MYO5B: variants seen among roughly 807,000 people sequenced by gnomAD.
MYO5B encodes myosin VB.
Under a neutral mutation model 229.3 loss-of-function variants are expected in MYO5B, and 143 were observed. The ratio of observed to expected loss-of-function variants is 0.62; its 90% CI spans 0.54 to 0.72. MYO5B has a LOEUF of 0.72. MYO5B is among the 30% of genes least tolerant of loss of function. The pLI, the probability that MYO5B is intolerant of heterozygous loss-of-function variation, is 0.00. For synonymous variants in MYO5B, 918 were observed against 885.2 expected (o/e 1.04, Z -0.66); for missense variants, 2,321 against 2,331.0 (o/e 1.00, Z 0.09).
intron 1 of MYO5B, among the ~76,000 whole-genome samples, chr18:50,181,340 T>A (rs2144348317): frequency 9.0e-6 from 1 of 110,516 alleles, no homozygotes; most frequent in South Asian, 2.4e-4. Context: ...TCTACATTTA[T>A]TGATCACTGG....
chr18:49,849,599 T>C lies in MYO5B; in HGVS notation c.4283A>G (p.Lys1428Arg). Residue 1428 changes from lysine to arginine, a missense_variant, in exon 32 of 40, where the codon AAG (lysine) becomes AGG (arginine). By Grantham distance (26) the Lys-to-Arg change is conservative (BLOSUM62 2). Around this residue, in one of 2 missense-constraint regions of MYO5B, gnomAD observed 2,113 missense variants for 2,044.7 expected, o/e 1.03. Transcript: ENST00000285039. ...GTCCTGGGCTTTCTTCATGTAAATC[T>C]TCAGTTGCTTTTTGAGCTTCCTCTC... ...KNERKLKKQL[K>R]IYMKKAQDLE... The C allele has an allele frequency of 6.2e-7, 1 of 1,613,444 alleles. No individual in the cohort carries two copies. Among genetic ancestry groups the C allele is most frequent in the Non-Finnish European group, 8.5e-7 (1 of 1,179,874 alleles).
intron 1 of MYO5B, among the ~76,000 whole-genome samples, chr18:50,186,124 G>A (rs539892973): frequency 2.6e-5 from 4 of 152,286 alleles, no homozygotes; most frequent in Non-Finnish European, 4.4e-5. Flanking sequence ...AGGATATTTC[G>A]CATACATTTT....
intron 1 of MYO5B, among the ~76,000 whole-genome samples, chr18:50,062,026 C>G (rs867843741): frequency 6.6e-6 from 1 of 152,280 alleles, no homozygotes; most frequent in Middle Eastern, 3.4e-3. Flanking sequence ...TAGTCAAAAG[C>G]AGGCCTGGAG....
intron 21 of MYO5B, among the ~76,000 whole-genome samples, chr18:49,902,367 A>C (rs1246743643): frequency 6.6e-6 from 1 of 152,220 alleles, no homozygotes; most frequent in African/African-American, 2.4e-5. Flanking sequence ...TTGCATCTGC[A>C]AAGTCCCTTT....
chr18:49,950,339 A>C (rs1471759010), intron 14 of MYO5B, among the ~76,000 whole-genome samples: 1 of 152,222 alleles, frequency 6.6e-6, no homozygotes, highest in African/African-American at 2.4e-5. Context: ...GTTGCATTTC[A>C]AGAGTAGATC....
intron 1 of MYO5B, among the ~76,000 whole-genome samples, chr18:50,151,973 G>A (rs1218773144): frequency 2.0e-5 from 3 of 152,162 alleles, no homozygotes; most frequent in African/African-American, 7.2e-5. Flanking sequence ...GGGAACATCC[G>A]CCCCGTTCAG....
intron 4 of MYO5B, among the ~76,000 whole-genome samples, chr18:50,028,225 C>A (rs2026351685): frequency 2.0e-5 from 3 of 152,282 alleles, no homozygotes; most frequent in Non-Finnish European, 2.9e-5. Context: ...AAAAACAGTT[C>A]TTGAGTGTGC....
chr18:50,026,996 C>G (rs968966503), intron 4 of MYO5B, among the ~76,000 whole-genome samples: 4 of 152,156 alleles, frequency 2.6e-5, no homozygotes, highest in African/African-American at 9.7e-5. Context: ...CAGCATGTTC[C>G]TTTGCTGCAA....
chr18:49,878,314 C>G (rs2024549138), intron 24 of MYO5B, among the ~76,000 whole-genome samples: 1 of 151,988 alleles, frequency 6.6e-6, no homozygotes, highest in African/African-American at 2.4e-5. Flanking sequence ...ACCATTTATA[C>G]TGTTCATTTA....
intron 3 of MYO5B, among the ~76,000 whole-genome samples, chr18:50,038,621 A>C (rs2029908262): frequency 6.6e-6 from 1 of 152,134 alleles, no homozygotes; most frequent in Admixed American, 6.5e-5. Context: ...TGTTTTCCTT[A>C]AACATCCTGG....
chr18:50,037,010 G>T lies in MYO5B; in HGVS notation c.311-16C>A. 1 of 1,614,028 alleles carries T rather than the reference G, an allele frequency of 6.2e-7. No individual in the cohort carries two copies. ...AGTACGATACCTGCAAACAGACAAGGTGGTCAGATTCCGACAGCACAGAAG... is the reference window on the plus strand; with the variant it reads ...AGTACGATACCTGCAAACAGACAAGTTGGTCAGATTCCGACAGCACAGAAG... On this transcript the variant is annotated splice_polypyrimidine_tract_variant and intron_variant, in intron 3 of 39. Transcript: ENST00000285039.
chr18:50,151,520 G>A (rs2032597952), intron 1 of MYO5B, among the ~76,000 whole-genome samples: 1 of 152,172 alleles, frequency 6.6e-6, no homozygotes, highest in Non-Finnish European at 1.5e-5. Flanking sequence ...TCAGAAAAAT[G>A]TAGGTTTAAA....
chr18:49,904,583 C>G, intron 20 of MYO5B, 89 bp downstream of exon 20: 6 of 1,553,032 alleles, frequency 3.9e-6, no homozygotes, highest in Non-Finnish European at 5.3e-6. Flanking sequence ...GTTGGGAGTG[C>G]TTGACAGAGG....
At chr18:50,030,650 G>A (rs747058201) in intron 4 of MYO5B, among the ~76,000 whole-genome samples, 16 of 151,892 alleles carry the variant, frequency 1.1e-4, no homozygotes, top group Non-Finnish European at 4.4e-5. Flanking sequence ...CCCATCTCCA[G>A]GCTGGCTCCC....
intron 12 of MYO5B, among the ~76,000 whole-genome samples, chr18:49,960,224 T>C (rs1190102702): frequency 6.6e-6 from 1 of 152,234 alleles, no homozygotes; most frequent in East Asian, 1.9e-4. Context: ...ATCCTTCATC[T>C]GACTTTATGT....
intron 1 of MYO5B, among the ~76,000 whole-genome samples, chr18:50,158,420 T>G (rs1327970008): frequency 6.6e-6 from 1 of 152,214 alleles, no homozygotes; most frequent in Non-Finnish European, 1.5e-5. Flanking sequence ...ATATCTGGAC[T>G]TTTCATCTAC....
rs758159499 is a variant in MYO5B at position 49,929,498 on chromosome 18, G to A, written c.2090+14C>T. 6.3e-7 allele frequency: 1 copy of A among 1,598,072 alleles called. No individual in the cohort carries two copies. The highest frequency in any genetic ancestry group is 8.5e-7 in the Non-Finnish European group (1 of 1,172,646). ...GGGCAGCCCCAGGAGGCAGCTGGCG[G>A]GCACGTTAGTTACCTGGATGGGTAG... On this transcript the variant is annotated intron_variant, in intron 17 of 39. Coordinates refer to ENST00000285039, the MANE Select transcript of MYO5B (RefSeq NM_001080467.3).
chr18:50,084,758 T>C (rs573640703), intron 1 of MYO5B, among the ~76,000 whole-genome samples: 8 of 152,246 alleles, frequency 5.3e-5, no homozygotes, highest in African/African-American at 1.2e-4. Flanking sequence ...GAAATAATGC[T>C]GCATATCTAC....
At chr18:49,908,029 C>A (rs142743850) in intron 18 of MYO5B, among the ~76,000 whole-genome samples, 2 of 152,218 alleles carry the variant, frequency 1.3e-5, no homozygotes, top group Non-Finnish European at 2.9e-5. Flanking sequence ...AGCCAAAGCA[C>A]GGTAGCTAAG....
Sources: gnomAD v4.1 joint callset for allele counts (sites outside exome capture counted in the v4.1 genomes callset) on GRCh38, gnomAD v4.1.1 for gene constraint, gnomAD v4.1.1 regional missense constraint, MANE v1.5 for transcripts, NCBI Gene and HGNC (gene_info 2026-07-23, HGNC 2026-07-21) for gene names.